The following MYO5B variants were observed in gnomAD, a reference collection of about 807,000 sequenced individuals.
The protein encoded by MYO5B is unconventional myosin-Vb.
A neutral mutation model predicts 229.3 loss-of-function variants in MYO5B; 143 were observed. The observed-to-expected ratio is 0.62, with a 90% CI of 0.54 to 0.72. The LOEUF is 0.72. Ranked by LOEUF, MYO5B falls within the 30% of genes least tolerant of loss-of-function variation. MYO5B has a pLI of 0.00. For missense variants in MYO5B, 2,321 were observed against 2,331.0 expected (o/e 1.00, Z 0.09); for synonymous variants, 918 against 885.2 (o/e 1.04, Z -0.66).
At chr18:49,849,535 T>G (rs2024172780) in intron 32 of MYO5B, 32 bp downstream of exon 32, 2 of 1,509,344 alleles carry the variant, frequency 1.3e-6, no homozygotes, top group Non-Finnish European at 1.8e-6. Context: ...ATACCTGTGA[T>G]TCACAAAACA....
At position 49,825,031 on chromosome 18, in the gene MYO5B, G is replaced by A. The variant is rs1210509808; in HGVS notation, c.*1440C>T. The stretch of plus-strand genomic sequence containing the variant: ...TAAGTTGGGTGGTTGAGTAAAAGAG[G>A]GTGAAGGCAGGCTGTTCTACTTCCA... On this transcript the variant is annotated 3_prime_UTR_variant, in exon 40 of 40. Coordinates refer to ENST00000285039, the MANE Select transcript of MYO5B (RefSeq NM_001080467.3). 1 of 152,172 alleles carries A rather than the reference G, an allele frequency of 6.6e-6. No homozygotes were observed. Among genetic ancestry groups the A allele is most frequent in the East Asian group, 1.9e-4 (1 of 5,188 alleles). The allele number at this position is 152,172 out of a possible 1,614,324, so 9.4% of individuals were successfully genotyped here.
intron 4 of MYO5B, among the ~76,000 whole-genome samples, chr18:50,008,871 T>C (rs1378714305): frequency 1.3e-5 from 2 of 152,232 alleles, no homozygotes; most frequent in Admixed American, 6.5e-5. Flanking sequence ...CTACATGCTC[T>C]AATCATATAG....
In MYO5B at chr18:49,951,905, A is replaced by G. The variant is rs560822084; in HGVS notation, c.1752+1355T>C. ...GCCACCATCCTCATGAAAAAATGGA[A>G]AAAGTCACATTAACCACCACAGACT... On this transcript the variant is annotated intron_variant, in intron 14 of 39. Coordinates refer to ENST00000285039, the MANE Select transcript of MYO5B (RefSeq NM_001080467.3). 1.6e-3 allele frequency among the ~76,000 whole-genome samples: 240 copies of G among 152,208 alleles called. 1 individual carries two copies. Among genetic ancestry groups the G allele is most frequent in the Non-Finnish European group, 2.6e-3 (174 of 68,038 alleles).
chr18:50,013,212 A>G (rs899371615), intron 4 of MYO5B, among the ~76,000 whole-genome samples: 11 of 152,214 alleles, frequency 7.2e-5, no homozygotes, highest in African/African-American at 2.7e-4. Context: ...GGCTGGCAGG[A>G]AAACTTGCTG....
chr18:50,143,814 C>T (rs1011429192), intron 1 of MYO5B, among the ~76,000 whole-genome samples: 2 of 152,158 alleles, frequency 1.3e-5, no homozygotes, highest in African/African-American at 4.8e-5. Flanking sequence ...ACAGGCTTGT[C>T]CTGTCTCCTA....
chr18:50,057,400 T>C (rs2030576215), intron 1 of MYO5B, among the ~76,000 whole-genome samples: 1 of 152,174 alleles, frequency 6.6e-6, no homozygotes, highest in Non-Finnish European at 1.5e-5. Context: ...TGGCTCAAGA[T>C]AACAGAATGA....
chr18:50,065,696 G>A lies in MYO5B; in HGVS notation c.28-10318C>T, dbSNP rs111611887. On this transcript the variant is annotated intron_variant, in intron 1 of 39. Coordinates refer to ENST00000285039, the MANE Select transcript of MYO5B (RefSeq NM_001080467.3). The stretch of plus-strand genomic sequence containing the variant: ...TATCACAGGGCCCTTCAAGGATCCC[G>A]GACCACATGCGGCTAATCTCCTGCA... Among the ~76,000 whole-genome samples, 1,234 of 152,196 alleles carry A rather than the reference G, an allele frequency of 8.1e-3. 17 individuals are homozygous for A. The highest frequency in any genetic ancestry group is 0.028 in the African/African-American group (1,169 of 41,512).
intron 4 of MYO5B, among the ~76,000 whole-genome samples, chr18:50,036,475 A>G (rs2026449802): frequency 6.6e-6 from 1 of 152,218 alleles, no homozygotes; most frequent in African/African-American, 2.4e-5. Flanking sequence ...CTTCAGTGAG[A>G]CTATCTGTAG....
At chr18:49,901,074 C>T (rs957671045) in intron 21 of MYO5B, among the ~76,000 whole-genome samples, 1 of 152,166 alleles carries the variant, frequency 6.6e-6, no homozygotes, top group Non-Finnish European at 1.5e-5. Flanking sequence ...TAAGAGTGAA[C>T]ACAAAACACA....
chr18:49,918,507 C>A (rs2025040699), intron 17 of MYO5B, among the ~76,000 whole-genome samples: 1 of 152,236 alleles, frequency 6.6e-6, no homozygotes, highest in Admixed American at 6.5e-5. Flanking sequence ...TCAACCCATC[C>A]TTTCAGGTAC....
intron 35 of MYO5B, 74 bp downstream of exon 35, chr18:49,841,291 G>GTTACAAA: frequency 7.2e-7 from 1 of 1,384,232 alleles, no homozygotes; most frequent in South Asian, 1.2e-5. Flanking sequence ...TGACCTCTGA[G>GTTACAAA]GGTATACAAA....
chr18:49,945,402 T>C (rs2025360384), intron 14 of MYO5B, among the ~76,000 whole-genome samples: 1 of 152,048 alleles, frequency 6.6e-6, no homozygotes, highest in Non-Finnish European at 1.5e-5. Flanking sequence ...CCCTACTTCC[T>C]ATATCTCAAT....
At chr18:49,870,256 T>C (rs889865564) in intron 27 of MYO5B, among the ~76,000 whole-genome samples, 3 of 152,214 alleles carry the variant, frequency 2.0e-5, no homozygotes, top group Admixed American at 2.0e-4. Flanking sequence ...AGAATTAAGT[T>C]GGGCCCTTAC....
At chr18:50,123,309 T>C (rs1439208332) in intron 1 of MYO5B, among the ~76,000 whole-genome samples, 6 of 152,162 alleles carry the variant, frequency 3.9e-5, no homozygotes, top group African/African-American at 7.2e-5. Flanking sequence ...CAGGTCTCCT[T>C]TGTGGGTTAT....
intron 1 of MYO5B, among the ~76,000 whole-genome samples, chr18:50,064,913 A>G (rs893906741): frequency 6.6e-6 from 1 of 152,216 alleles, no homozygotes; most frequent in East Asian, 1.9e-4. Flanking sequence ...AAAATTATTA[A>G]GAGAAAGCAT....
chr18:50,146,806 T>TA (rs2032510721), intron 1 of MYO5B, among the ~76,000 whole-genome samples: 2 of 152,212 alleles, frequency 1.3e-5, no homozygotes, highest in Non-Finnish European at 2.9e-5. Context: ...ATAAAAAACT[T>TA]ACGTATTTAG....
intron 2 of MYO5B, 34 bp from the exon 3 acceptor site, chr18:50,040,348 G>A (rs1188972287): frequency 6.2e-7 from 1 of 1,600,624 alleles, no homozygotes; most frequent in East Asian, 2.2e-5. Context: ...ACAAAAAGGT[G>A]GTTATGAAGC....
chr18:50,111,383 G>A (rs2031861545), intron 1 of MYO5B, among the ~76,000 whole-genome samples: 1 of 152,218 alleles, frequency 6.6e-6, no homozygotes, highest in Admixed American at 6.5e-5. Context: ...TTGTTAGACA[G>A]TCACAGATTG....
intron 24 of MYO5B, among the ~76,000 whole-genome samples, chr18:49,878,361 T>C (rs1340667074): frequency 6.6e-6 from 1 of 152,200 alleles, no homozygotes; most frequent in Non-Finnish European, 1.5e-5. Flanking sequence ...GATTTGGCTG[T>C]CAGTGTGAAA....
Sources: gnomAD v4.1 joint callset for allele counts (sites outside exome capture counted in the v4.1 genomes callset) on GRCh38, gnomAD v4.1.1 for gene constraint, MANE v1.5 for transcripts, NCBI Gene and HGNC (gene_info 2026-07-23, HGNC 2026-07-21) for gene names.